Variants in CDCA7L observed in about 807,000 individuals in gnomAD.
The protein encoded by CDCA7L is cell division cycle-associated 7-like protein.
CDCA7L carries 44 observed loss-of-function variants against 57.4 expected under a neutral mutation model. The ratio of observed to expected loss-of-function variants is 0.77; its 90% CI spans 0.60 to 0.98. The LOEUF is 0.98. Ranked by LOEUF, CDCA7L falls within the 50% of genes least tolerant of loss-of-function variation. CDCA7L has a pLI of 0.00. For synonymous variants in CDCA7L, 236 were observed against 202.8 expected, an observed-to-expected ratio of 1.16 and a Z score of -1.39; for missense variants, 644 against 580.6, an observed-to-expected ratio of 1.11 and a Z score of -1.12.
chr7:21,906,132 G>A (rs1460905433), intron 6 of CDCA7L, among the ~76,000 whole-genome samples, 157 bp downstream of exon 6: 1 of 152,188 alleles, frequency 6.6e-6, no homozygotes, highest in Non-Finnish European at 1.5e-5. Context: ...GATCTCAGGA[G>A]CAATGGCATC....
chr7:21,938,880 C>T (rs1413737445), intron 1 of CDCA7L, among the ~76,000 whole-genome samples: 1 of 151,878 alleles, frequency 6.6e-6, no homozygotes, highest in Non-Finnish European at 1.5e-5. Flanking sequence ...CAGGGTAGTA[C>T]ATACCTATAG....
chr7:21,902,047 A>G lies in CDCA7L; in HGVS notation c.*275T>C. 1 of 461,010 alleles carries G rather than the reference A, an allele frequency of 2.2e-6. No homozygotes were observed. Among genetic ancestry groups the G allele is most frequent in the South Asian group, 3.0e-5 (1 of 33,862 alleles). The allele number at this position is 461,010 out of a possible 1,614,324, so 28.6% of individuals were successfully genotyped here. ...CTTACCTGAACTTTAACCCCACCCC[A>G]TTTAAACTGTGCTTTTTAATAACTG... On this transcript the variant is annotated 3_prime_UTR_variant, in exon 10 of 10. Transcript: ENST00000406877.
intron 1 of CDCA7L, 118 bp downstream of exon 1, chr7:21,945,663 A>C: frequency 7.7e-7 from 1 of 1,295,788 alleles, no homozygotes; most frequent in Non-Finnish European, 1.1e-6. Flanking sequence ...TGGGCGCGCC[A>C]GATCCCCAGT....
intron 1 of CDCA7L, among the ~76,000 whole-genome samples, chr7:21,938,630 C>T (rs1204069969): frequency 1.3e-5 from 2 of 151,940 alleles, no homozygotes; most frequent in Admixed American, 6.6e-5. Flanking sequence ...TTTACAATAG[C>T]CAAAAGGTGG....
chr7:21,902,365 T>A lies in CDCA7L; in HGVS notation c.1335-13A>T, dbSNP rs189667399. The A allele has an allele frequency of 2.0e-3, 3,158 of 1,612,700 alleles. 17 individuals are homozygous for A. Among genetic ancestry groups the A allele is most frequent in the Non-Finnish European group, 1.6e-3 (1,850 of 1,179,532 alleles). ...CTCCTTTTGTAAGCTGGGAAAAAGATGAGAAGTATTTGGTAAAGTAGTACA... is the reference window on the plus strand; with the variant it reads ...CTCCTTTTGTAAGCTGGGAAAAAGAAGAGAAGTATTTGGTAAAGTAGTACA... On this transcript the variant is annotated splice_polypyrimidine_tract_variant and intron_variant, in intron 9 of 9. Coordinates refer to ENST00000406877, the MANE Select transcript of CDCA7L (RefSeq NM_018719.5).
In CDCA7L at chr7:21,911,602, T is replaced by A. The variant is rs774063470; in HGVS notation, c.303+15A>T. ...AAACGTTACCACCCACATCCCTTCC[T>A]GTTGTAATTATTACCATTACTTCTG... On this transcript the variant is annotated intron_variant, in intron 3 of 9. Coordinates refer to ENST00000406877, the MANE Select transcript of CDCA7L (RefSeq NM_018719.5). 7 of 1,605,042 alleles carry A rather than the reference T, an allele frequency of 4.4e-6. No homozygotes were observed. Among genetic ancestry groups the A allele is most frequent in the Admixed American group, 1.7e-5 (1 of 57,916 alleles).
chr7:21,937,221 T>G (rs79106838), intron 1 of CDCA7L, among the ~76,000 whole-genome samples: 25,721 of 152,204 alleles, frequency 0.17, 2,485 homozygotes, highest in Non-Finnish European at 0.23. Context: ...TAACTGAAGC[T>G]ATGTACAGAC....
chr7:21,921,393 C>T (rs138204586), intron 1 of CDCA7L, among the ~76,000 whole-genome samples: 1 of 142,508 alleles, frequency 7.0e-6, no homozygotes, highest in African/African-American at 2.6e-5. Context: ...ATGCAACGAA[C>T]TGATTTGTCT....
chr7:21,945,755 A>T (rs1227154282), intron 1 of CDCA7L, 26 bp downstream of exon 1: 1 of 1,599,746 alleles, frequency 6.3e-7, no homozygotes, highest in South Asian at 1.1e-5. Flanking sequence ...GTGCGTCCGG[A>T]CGGCGGCGGG....
Position 21,901,228 on chromosome 7 carries a change from G to A in CDCA7L, c.*1094C>T, listed in dbSNP as rs200188283. The A allele has an allele frequency of 2.2e-5, 35 of 1,609,778 alleles. No individual in the cohort carries two copies. The highest frequency in any genetic ancestry group is 5.0e-5 in the Admixed American group (3 of 59,810). ...GAAGACTGCAAAATGGGTTCTGGCTGGAGTGGCTCTGCTTCTAGAAGCGTA... is the reference window on the plus strand; with the variant it reads ...GAAGACTGCAAAATGGGTTCTGGCTAGAGTGGCTCTGCTTCTAGAAGCGTA... On this transcript the variant is annotated 3_prime_UTR_variant, in exon 10 of 10. Coordinates refer to ENST00000406877, the MANE Select transcript of CDCA7L (RefSeq NM_018719.5).
intron 1 of CDCA7L, among the ~76,000 whole-genome samples, chr7:21,929,805 C>T (rs559023142): frequency 8.5e-5 from 13 of 152,182 alleles, no homozygotes; most frequent in African/African-American, 2.6e-4. Flanking sequence ...AATACAGGAG[C>T]ACCCAGATGC....
chr7:21,903,152 C>T (rs1487981641), intron 8 of CDCA7L, 38 bp from the exon 9 acceptor site: 1 of 1,595,874 alleles, frequency 6.3e-7, no homozygotes, highest in East Asian at 2.2e-5. Flanking sequence ...CGCTCATTAT[C>T]TACAGGGTCT....
At chr7:21,915,688 G>A (rs6979234) in intron 2 of CDCA7L, among the ~76,000 whole-genome samples, 7,703 of 150,152 alleles carry the variant, frequency 0.051, 680 homozygotes, top group African/African-American at 0.18. Flanking sequence ...TTAGCCAGGC[G>A]TGGTGGTGGG....
chr7:21,913,335 A>G (rs994558794), intron 2 of CDCA7L, among the ~76,000 whole-genome samples: 3 of 151,124 alleles, frequency 2.0e-5, no homozygotes, highest in Middle Eastern at 3.4e-3. Flanking sequence ...CAGCTGCTTG[A>G]GAAAAAAAAT....
chr7:21,932,542 G>C (rs1786048010), intron 1 of CDCA7L, among the ~76,000 whole-genome samples: 1 of 152,138 alleles, frequency 6.6e-6, no homozygotes, highest in Non-Finnish European at 1.5e-5. Flanking sequence ...ACAAAAACAA[G>C]CAGTGGGGAA....
At chr7:21,904,308 C>A (rs752125634) in intron 7 of CDCA7L, 49 bp from the exon 8 acceptor site, 4 of 1,509,042 alleles carry the variant, frequency 2.7e-6, no homozygotes, top group Non-Finnish European at 3.6e-6. Flanking sequence ...ATGCTGATGC[C>A]CAATGAGGCC....
Position 21,945,883 on chromosome 7 carries a change from A to G in CDCA7L, c.-79T>C. On this transcript the variant is annotated 5_prime_UTR_variant, in exon 1 of 10. Transcript: ENST00000406877. The stretch of plus-strand genomic sequence containing the variant: ...CTCACCACGGCCCGGCGCACCAAGA[A>G]CGCCCCGCGCCCGAGCAGCTAGCGC... 2.7e-6 allele frequency: 4 copies of G among 1,479,166 alleles called. No individual in the cohort carries two copies. The highest frequency in any genetic ancestry group is 3.6e-6 in the Non-Finnish European group (4 of 1,099,460). 91.6% of individuals were successfully genotyped at this position (1,479,166 alleles called of 1,614,324 possible).
intron 1 of CDCA7L, among the ~76,000 whole-genome samples, chr7:21,917,452 G>T (rs1785520233): frequency 6.6e-6 from 1 of 152,078 alleles, no homozygotes; most frequent in Admixed American, 6.6e-5. Context: ...TGCTATTAGG[G>T]GATAATTGAT....
In CDCA7L at chr7:21,921,912, G is replaced by C. The variant is rs560172480; in HGVS notation, c.25-5018C>G. 3.9e-5 allele frequency among the ~76,000 whole-genome samples: 6 copies of C among 152,188 alleles called. No homozygotes were observed. The East Asian group carries it at 1.2e-3, about 29-fold the overall frequency. On this transcript the variant is annotated intron_variant, in intron 1 of 9. Coordinates refer to ENST00000406877, the MANE Select transcript of CDCA7L (RefSeq NM_018719.5). The stretch of plus-strand genomic sequence containing the variant: ...TACTCTGTCTTTATTGGAATTAACA[G>C]TGTGAATATCATCAAAAGTCATATG...
Sources: gnomAD v4.1 joint callset for allele counts (sites outside exome capture counted in the v4.1 genomes callset) on GRCh38, gnomAD v4.1.1 for gene constraint, MANE v1.5 for transcripts, NCBI Gene and HGNC (gene_info 2026-07-23, HGNC 2026-07-21) for gene names.